Variants in EPHB3 observed in about 807,000 individuals in gnomAD.
EPHB3 encodes EPH receptor B3.
A neutral mutation model predicts 100.2 loss-of-function variants in EPHB3; 33 were observed. That is an observed-to-expected ratio of 0.33 (90% CI 0.25 to 0.44). EPHB3 has a LOEUF of 0.44. Ranked by LOEUF, EPHB3 falls within the 20% of genes least tolerant of loss-of-function variation. The pLI, the probability that EPHB3 is intolerant of heterozygous loss-of-function variation, is 1.00. For missense variants in EPHB3, 1,045 were observed against 1,378.3 expected, an observed-to-expected ratio of 0.76 and a Z score of 3.83; for synonymous variants, 526 against 554.7, an observed-to-expected ratio of 0.95 and a Z score of 0.73.
In EPHB3 at chr3:184,580,499, G is replaced by A; in HGVS notation, c.2270G>A (p.Arg757His). The change falls in exon 12 of 16, where the codon CGC (arginine) becomes CAC (histidine). Residue 757 changes from arginine (R) to histidine (H), a missense_variant. This residue lies in a region of EPHB3 where 985 missense variants were observed against 1,331.1 expected (regional missense o/e 0.74). Coordinates refer to ENST00000330394, the MANE Select transcript of EPHB3 (RefSeq NM_004443.4). ...KYLSEMNYVH[R>H]DLAARNILVN... ...CTGTCCGAGATGAACTATGTGCACC[G>A]CGACCTGGCTGCTCGCAACATCCTT... 4 of 1,614,206 alleles carry A rather than the reference G, an allele frequency of 2.5e-6. No individual in the cohort carries two copies. Among genetic ancestry groups the A allele is most frequent in the Non-Finnish European group, 3.4e-6 (4 of 1,180,038 alleles).
Position 184,578,397 on chromosome 3 carries a change from A to C in EPHB3, c.1749-17A>C, listed in dbSNP as rs921052638. On this transcript the variant is annotated splice_polypyrimidine_tract_variant and intron_variant, in intron 8 of 15. Coordinates refer to ENST00000330394, the MANE Select transcript of EPHB3 (RefSeq NM_004443.4). The surrounding 1 kb of genome is among the most constrained non-coding windows in gnomAD (Gnocchi z 4.7). ...ATGACTTGTCTCAGGCCTGCCCTCC[A>C]CCCTGCCACCCTACAGGAAGCAGCG... 3 of 1,613,364 alleles carry C rather than the reference A, an allele frequency of 1.9e-6. No homozygotes were observed. Among genetic ancestry groups the C allele is most frequent in the Non-Finnish European group, 2.5e-6 (3 of 1,179,904 alleles).
chr3:184,581,313 T>C lies in EPHB3; in HGVS notation c.2793T>C (p.Gly931=), dbSNP rs1348959729. ...ATTACACAACCTTCACGACAGTTGG[T>C]GATTGGCTGGATGCCATCAAGATGG... ...VPDYTTFTTV[G]DWLDAIKMGR... Residue 931 remains glycine (G), a synonymous_variant, in exon 15 of 16, where the codon GGT becomes GGC. Coordinates refer to ENST00000330394, the MANE Select transcript of EPHB3 (RefSeq NM_004443.4). 1.9e-6 allele frequency: 3 copies of C among 1,609,796 alleles called. No individual in the cohort carries two copies. The highest frequency in any genetic ancestry group is 2.5e-6 in the Non-Finnish European group (3 of 1,177,564).
In EPHB3 at chr3:184,582,184, A is replaced by AGG. The variant is rs1286278551; in HGVS notation, c.*565_*566dup. Reference sequence around the variant, plus strand: ...TTGGTGCTGTCATAAAAGGGCAGGCAGGGGCAGGCTGAGGAGTTGCCCTTT... The same window carrying AGG: ...TTGGTGCTGTCATAAAAGGGCAGGCAGGGGGGCAGGCTGAGGAGTTGCCCTTT... On this transcript the variant is annotated 3_prime_UTR_variant, in exon 16 of 16. Coordinates refer to ENST00000330394, the MANE Select transcript of EPHB3 (RefSeq NM_004443.4). 1 of 162,272 alleles carries AGG rather than the reference A, an allele frequency of 6.2e-6. No individual in the cohort carries two copies. The highest frequency in any genetic ancestry group is 1.4e-5 in the Non-Finnish European group (1 of 73,864). The allele number at this position is 162,272 out of a possible 1,614,324, so 10.1% of individuals were successfully genotyped here. A position where few individuals can be genotyped will look rare whatever the true frequency, so the allele number is the denominator to read the frequency against.
At chr3:184,564,104 C>T (rs943422879) in intron 1 of EPHB3, among the ~76,000 whole-genome samples, 4 of 152,222 alleles carry the variant, frequency 2.6e-5, no homozygotes, top group Non-Finnish European at 5.9e-5. Flanking sequence ...GGCCAAGCAG[C>T]TGGGGGGCTG....
chr3:184,574,633 G>A (rs1055611589), intron 3 of EPHB3, among the ~76,000 whole-genome samples: 6 of 152,210 alleles, frequency 3.9e-5, no homozygotes, highest in African/African-American at 9.7e-5. Flanking sequence ...AGCTGGCTGC[G>A]AGGCCATGTT....
In EPHB3 at chr3:184,578,624, C is replaced by T. The variant is rs563769178; in HGVS notation, c.1801+158C>T. On this transcript the variant is annotated intron_variant, in intron 9 of 15. Coordinates refer to ENST00000330394, the MANE Select transcript of EPHB3 (RefSeq NM_004443.4). This position sits in a 1 kb window ranked among gnomAD's most constrained non-coding sequence, Gnocchi z 4.7. ...GCATTTCCTGACCCCTATCTCACTCCGGGTACCCTGGGCCCCTACTCACTC... is the reference window on the plus strand; with the variant it reads ...GCATTTCCTGACCCCTATCTCACTCTGGGTACCCTGGGCCCCTACTCACTC... Among the ~76,000 whole-genome samples the T allele has an allele frequency of 3.3e-5, 5 of 152,262 alleles. No homozygotes were observed. Among genetic ancestry groups the T allele is most frequent in the Admixed American group, 2.6e-4 (4 of 15,296 alleles).
chr3:184,581,019 C>CT lies in EPHB3; in HGVS notation c.2587dup (p.Cys863LeufsTer70), dbSNP rs893184366. ...ATTACCGGCTGCCACCACCCATGGA[C>CT]TGTCCCACAGCACTGCACCAGCTCA... On this transcript the variant is annotated frameshift_variant, in exon 14 of 16. Transcript: ENST00000330394. LOFTEE classifies it high-confidence loss of function. 6.2e-7 allele frequency: 1 copy of CT among 1,614,040 alleles called. No individual in the cohort carries two copies. Among genetic ancestry groups the CT allele is most frequent in the Non-Finnish European group, 8.5e-7 (1 of 1,180,018 alleles).
At chr3:184,576,626 CA>C (rs1484597089) in intron 4 of EPHB3, among the ~76,000 whole-genome samples, 1 of 152,178 alleles carries the variant, frequency 6.6e-6, no homozygotes, top group African/African-American at 2.4e-5. Context: ...AAGGACGAAT[CA>C]AGGAAGGCTT....
Position 184,573,196 on chromosome 3 carries a change from G to T in EPHB3, c.856+20G>T. ...GCCGCCGTGAGTGGGGACTGTCCTGGGGAAAGGGTTGTCGGGAGGGCCTGG... is the reference window on the plus strand; with the variant it reads ...GCCGCCGTGAGTGGGGACTGTCCTGTGGAAAGGGTTGTCGGGAGGGCCTGG... On this transcript the variant is annotated intron_variant, in intron 3 of 15. Coordinates refer to ENST00000330394, the MANE Select transcript of EPHB3 (RefSeq NM_004443.4). The surrounding 1 kb of genome is among the most constrained non-coding windows in gnomAD (Gnocchi z 4.5). 6.2e-7 allele frequency: 1 copy of T among 1,608,608 alleles called. No individual in the cohort carries two copies. The highest frequency in any genetic ancestry group is 1.1e-5 in the South Asian group (1 of 91,062).
In EPHB3 at chr3:184,578,470, A is replaced by G; in HGVS notation, c.1801+4A>G. 1 of 1,613,502 alleles carries G rather than the reference A, an allele frequency of 6.2e-7. No homozygotes were observed. The highest frequency in any genetic ancestry group is 8.5e-7 in the Non-Finnish European group (1 of 1,179,802). On this transcript the variant is annotated splice_donor_region_variant and intron_variant, in intron 9 of 15. Coordinates refer to ENST00000330394, the MANE Select transcript of EPHB3 (RefSeq NM_004443.4). This position sits in a 1 kb window ranked among gnomAD's most constrained non-coding sequence, Gnocchi z 4.7. ...ACGGAGAAGCTGCAGCAGTACAGTG[A>G]GTTTGTCCCCGCCGCCCTCCCCAAG...
Position 184,562,263 on chromosome 3 carries a change from CCGT to C in EPHB3, c.31_33del (p.Ser11del). The C allele has an allele frequency of 3.5e-6, 4 of 1,137,142 alleles. No homozygotes were observed. The highest frequency in any genetic ancestry group is 4.4e-6 in the Non-Finnish European group (4 of 910,352). 70.4% of individuals were successfully genotyped at this position (1,137,142 alleles called of 1,614,324 possible). On this transcript the variant is annotated inframe_deletion, in exon 1 of 16. Transcript: ENST00000330394. The surrounding 1 kb of genome is among the most constrained non-coding windows in gnomAD (Gnocchi z 4.8). ...GGCCAGAGCCCGCCCGCCGCCGCCG[CCGT>C]CGCCGCCGCCGGGGCTTCTGCCGCT...
intron 4 of EPHB3, 92 bp from the exon 5 acceptor site, chr3:184,576,750 T>A (rs1356239162): frequency 5.9e-5 from 77 of 1,300,404 alleles, no homozygotes; most frequent in Non-Finnish European, 7.8e-5. Context: ...GGCAAGGAGG[T>A]AGAAAGCAGA....
intron 4 of EPHB3, 62 bp downstream of exon 4, chr3:184,576,047 G>T: frequency 6.5e-7 from 1 of 1,532,664 alleles, no homozygotes; most frequent in Non-Finnish European, 8.8e-7. Flanking sequence ...GCCAGCCTGG[G>T]AAGCCTAAGC....
chr3:184,578,360 AAAGG>A lies in EPHB3; in HGVS notation c.1749-53_1749-50del. 1.9e-6 allele frequency: 3 copies of A among 1,612,714 alleles called. No individual in the cohort carries two copies. The highest frequency in any genetic ancestry group is 2.5e-6 in the Non-Finnish European group (3 of 1,179,310). ...CTGTGAGCCCAAGGGTGCCCTGAAC[AAAGG>A]GAGGCAGATGACTTGTCTCAGGCCT... is the stretch of plus-strand genomic sequence containing the variant. On this transcript the variant is annotated intron_variant, in intron 8 of 15. Transcript: ENST00000330394. This position sits in a 1 kb window ranked among gnomAD's most constrained non-coding sequence, Gnocchi z 4.7.
chr3:184,562,761 C>G lies in EPHB3; in HGVS notation c.118+408C>G, dbSNP rs1321731115. Among the ~76,000 whole-genome samples, 2 of 152,158 alleles carry G rather than the reference C, an allele frequency of 1.3e-5. No individual in the cohort carries two copies. The highest frequency in any genetic ancestry group is 2.1e-4 in the South Asian group (1 of 4,832). On this transcript the variant is annotated intron_variant, in intron 1 of 15. Transcript: ENST00000330394. This position sits in a 1 kb window ranked among gnomAD's most constrained non-coding sequence, Gnocchi z 4.8. ...GGCGGGTGGGGGCGAAGCGGGACTC[C>G]CCGGGTTGGGGGGCGCTAATGAGGA...
chr3:184,565,406 G>A lies in EPHB3; in HGVS notation c.118+3053G>A, dbSNP rs1023639067. ...GGAATGGGGCCTGAGATGAGGAATG[G>A]TGTCTGAACCCCAGCACCCCTATAC... is the stretch of plus-strand genomic sequence containing the variant. On this transcript the variant is annotated intron_variant, in intron 1 of 15. Transcript: ENST00000330394. The surrounding 1 kb of genome is among the most constrained non-coding windows in gnomAD (Gnocchi z 4.8). Among the ~76,000 whole-genome samples the A allele has an allele frequency of 3.9e-5, 6 of 152,224 alleles. No individual in the cohort carries two copies. The highest frequency in any genetic ancestry group is 1.4e-4 in the African/African-American group (6 of 41,462).
intron 1 of EPHB3, among the ~76,000 whole-genome samples, chr3:184,566,710 C>G (rs1300373442): frequency 6.6e-6 from 1 of 152,184 alleles, no homozygotes; most frequent in Non-Finnish European, 1.5e-5. Context: ...GACCCTGGCC[C>G]CCTGCCCTCC....
At position 184,565,242 on chromosome 3, in the gene EPHB3, G is replaced by A. The variant is rs547726496; in HGVS notation, c.118+2889G>A. Among the ~76,000 whole-genome samples the A allele has an allele frequency of 3.2e-3, 484 of 152,154 alleles. 6 individuals carry two copies. The highest frequency in any genetic ancestry group is 0.01 in the African/African-American group (432 of 41,498). ...CCATGCAAATTGCCCTGGGCTTTAC[G>A]CACAGCCACAGGGAAACAGGGCCAC... On this transcript the variant is annotated intron_variant, in intron 1 of 15. Coordinates refer to ENST00000330394, the MANE Select transcript of EPHB3 (RefSeq NM_004443.4). The surrounding 1 kb of genome is among the most constrained non-coding windows in gnomAD (Gnocchi z 4.8).
At chr3:184,580,341 G>C in intron 11 of EPHB3, 61 bp from the exon 12 acceptor site, 1 of 1,604,184 alleles carries the variant, frequency 6.2e-7, no homozygotes, top group Non-Finnish European at 8.5e-7. Context: ...GGGAAGGCAG[G>C]TGGGCAGGCC....
Sources: gnomAD v4.1 joint callset for allele counts (sites outside exome capture counted in the v4.1 genomes callset) on GRCh38, gnomAD v4.1.1 for gene constraint, gnomAD v4.1.1 regional missense constraint, Gnocchi (gnomAD v3.1) non-coding constraint, MANE v1.5 for transcripts, NCBI Gene and HGNC (gene_info 2026-07-23, HGNC 2026-07-21) for gene names.